The following RNF220 variants were observed in gnomAD, a reference collection of about 807,000 sequenced individuals.
RNF220 encodes the protein ring finger protein 220, also known as E3 ubiquitin-protein ligase RNF220.
Under a neutral mutation model 67.1 loss-of-function variants are expected in RNF220, and 7 were observed. The observed-to-expected ratio is 0.10, with a 90% CI of 0.06 to 0.20. The LOEUF (loss-of-function observed/expected upper bound fraction) is 0.20, where lower values mean the gene tolerates loss of function less well. RNF220 is among the 10% of genes least tolerant of loss of function. The pLI is 1.00. For synonymous variants in RNF220, 270 were observed against 283.2 expected, an observed-to-expected ratio of 0.95 and a Z score of 0.47; for missense variants, 565 against 740.3, an observed-to-expected ratio of 0.76 and a Z score of 2.75.
Position 44,487,764 on chromosome 1 carries a change from C to G in RNF220, c.625+75042C>G, listed in dbSNP as rs368280204. 3.1e-4 allele frequency among the ~76,000 whole-genome samples: 46 copies of G among 149,884 alleles called. 1 individual carries two copies. In the East Asian group the frequency reaches 3.3e-3, roughly 11 times the overall value. The stretch of plus-strand genomic sequence containing the variant: ...GCATGGTGGCACACACCTGTAATCC[C>G]AGCTACTCAGGAGACTGAGGCAGGA... On this transcript the variant is annotated intron_variant, in intron 2 of 14. Coordinates refer to ENST00000361799, the MANE Select transcript of RNF220 (RefSeq NM_018150.4).
chr1:44,456,635 G>A (rs530229111), intron 2 of RNF220, among the ~76,000 whole-genome samples: 1 of 152,196 alleles, frequency 6.6e-6, no homozygotes, highest in Non-Finnish European at 1.5e-5. Context: ...TCTTAAGAAA[G>A]GAGTGACATT....
chr1:44,474,248 G>A (rs970851285), intron 2 of RNF220, among the ~76,000 whole-genome samples: 1 of 151,842 alleles, frequency 6.6e-6, no homozygotes, highest in African/African-American at 2.4e-5. Flanking sequence ...AGTGGTGTGT[G>A]CCTGTAATCC....
intron 2 of RNF220, among the ~76,000 whole-genome samples, chr1:44,432,571 G>A (rs1199367488): frequency 6.8e-6 from 1 of 146,932 alleles, no homozygotes; most frequent in Admixed American, 6.7e-5. Context: ...TGCCCGGCCT[G>A]TTTGTCTGTT....
At chr1:44,509,810 C>T (rs1658795282) in intron 2 of RNF220, among the ~76,000 whole-genome samples, 1 of 138,992 alleles carries the variant, frequency 7.2e-6, no homozygotes, top group Non-Finnish European at 1.5e-5. Context: ...TTGCTTGAAC[C>T]CAGGAGGCAG....
chr1:44,553,397 AAT>A (rs1662827286), intron 2 of RNF220, among the ~76,000 whole-genome samples: 1 of 129,600 alleles, frequency 7.7e-6, no homozygotes, highest in Non-Finnish European at 1.8e-5. Context: ...TGAATGAATG[AAT>A]GAATGAATGA....
intron 2 of RNF220, among the ~76,000 whole-genome samples, chr1:44,599,255 T>C (rs1205916606): frequency 6.6e-6 from 1 of 152,024 alleles, no homozygotes; most frequent in Non-Finnish European, 1.5e-5. Flanking sequence ...AATAAATAAT[T>C]GCAATATTAT....
chr1:44,504,615 G>A (rs1658245795), intron 2 of RNF220, among the ~76,000 whole-genome samples: 1 of 152,046 alleles, frequency 6.6e-6, no homozygotes, highest in Non-Finnish European at 1.5e-5. Flanking sequence ...GGTTAGAATT[G>A]GAAAGAGCAG....
intron 3 of RNF220, among the ~76,000 whole-genome samples, chr1:44,618,638 G>T (rs1470478279): frequency 6.6e-6 from 1 of 152,224 alleles, no homozygotes; most frequent in Non-Finnish European, 1.5e-5. Flanking sequence ...CGTCCTTGAT[G>T]GGGTGGAGAG....
chr1:44,599,337 G>A (rs1261542688), intron 2 of RNF220, among the ~76,000 whole-genome samples: 2 of 152,168 alleles, frequency 1.3e-5, no homozygotes, highest in Non-Finnish European at 2.9e-5. Flanking sequence ...TTAATTATTA[G>A]GGAAGGCTTC....
chr1:44,517,507 C>A (rs914719633), intron 2 of RNF220, among the ~76,000 whole-genome samples: 1 of 152,030 alleles, frequency 6.6e-6, no homozygotes, highest in Non-Finnish European at 1.5e-5. Flanking sequence ...TTGTCATCAC[C>A]GACTTTTCTA....
chr1:44,478,681 C>G (rs1393066624), intron 2 of RNF220, among the ~76,000 whole-genome samples: 1 of 152,042 alleles, frequency 6.6e-6, no homozygotes, highest in East Asian at 1.9e-4. Flanking sequence ...GAGATCATGC[C>G]ACTGGACTCC....
intron 3 of RNF220, among the ~76,000 whole-genome samples, chr1:44,615,906 G>A (rs1643525933): frequency 6.6e-6 from 1 of 152,204 alleles, no homozygotes; most frequent in African/African-American, 2.4e-5. Flanking sequence ...GTGGGTAGTA[G>A]TGGCTACTGG....
At chr1:44,619,730 T>C (rs956602442) in intron 3 of RNF220, among the ~76,000 whole-genome samples, 4 of 152,126 alleles carry the variant, frequency 2.6e-5, no homozygotes, top group Non-Finnish European at 5.9e-5. Flanking sequence ...AAGGCAGAGC[T>C]GATGGGCTGG....
chr1:44,629,759 T>G (rs1482825367), intron 5 of RNF220, among the ~76,000 whole-genome samples: 1 of 152,152 alleles, frequency 6.6e-6, no homozygotes, highest in African/African-American at 2.4e-5. Context: ...CAGAGTAAGC[T>G]TCACACAGGA....
At chr1:44,518,357 G>A (rs1365406451) in intron 2 of RNF220, among the ~76,000 whole-genome samples, 2 of 152,108 alleles carry the variant, frequency 1.3e-5, no homozygotes, top group Non-Finnish European at 2.9e-5. Flanking sequence ...CTCGGGAGTT[G>A]GAGGCTGCAG....
At chr1:44,465,799 G>A (rs1457982816) in intron 2 of RNF220, among the ~76,000 whole-genome samples, 1 of 152,138 alleles carries the variant, frequency 6.6e-6, no homozygotes, top group Non-Finnish European at 1.5e-5. Context: ...AAAAAACAAT[G>A]TACACACCTT....
At chr1:44,597,688 C>T (rs116674299) in intron 2 of RNF220, among the ~76,000 whole-genome samples, 2,849 of 152,220 alleles carry the variant, frequency 0.019, 41 homozygotes, top group Non-Finnish European at 0.032. Context: ...CCGGCACACA[C>T]GCACCTCTCT....
chr1:44,486,678 T>A (rs751744148), intron 2 of RNF220, among the ~76,000 whole-genome samples: 1 of 152,122 alleles, frequency 6.6e-6, no homozygotes, highest in Non-Finnish European at 1.5e-5. Flanking sequence ...CGTCCATGTG[T>A]CTGTTGAACG....
chr1:44,586,182 T>A (rs1665679347), intron 2 of RNF220, among the ~76,000 whole-genome samples: 1 of 152,168 alleles, frequency 6.6e-6, no homozygotes, highest in Non-Finnish European at 1.5e-5. Flanking sequence ...AGAAGATAAT[T>A]ATTTCTGACT....
Sources: gnomAD v4.1 joint callset for allele counts (sites outside exome capture counted in the v4.1 genomes callset) on GRCh38, gnomAD v4.1.1 for gene constraint, MANE v1.5 for transcripts, NCBI Gene and HGNC (gene_info 2026-07-23, HGNC 2026-07-21) for gene names.